NAV2: variants seen among roughly 807,000 people sequenced by gnomAD.
NAV2 encodes helicase, APC down-regulated 1.
In NAV2, 54 loss-of-function variants were observed where a neutral mutation model predicts 223.2. The ratio of observed to expected loss-of-function variants is 0.24; its 90% CI spans 0.19 to 0.30. The LOEUF is 0.30. NAV2 is among the 10% of genes least tolerant of loss of function. NAV2 has a pLI of 1.00. For synonymous variants in NAV2, 1,279 were observed against 1,239.3 expected (o/e 1.03, Z -0.67); for missense variants, 2,806 against 3,147.5 (o/e 0.89, Z 2.60).
chr11:19,632,146 G>A (rs1345901038), intron 1 of NAV2, among the ~76,000 whole-genome samples: 2 of 152,164 alleles, frequency 1.3e-5, no homozygotes, highest in African/African-American at 2.4e-5. Context: ...TGTATTGGTT[G>A]GATTTCCTGC....
intron 6 of NAV2, among the ~76,000 whole-genome samples, chr11:19,913,143 G>A (rs143350575): frequency 8.8e-4 from 134 of 152,278 alleles, no homozygotes; most frequent in African/African-American, 3.2e-3. Context: ...CCTGTTTTGT[G>A]TAATATAACC....
At chr11:19,557,590 C>G (rs991160514) in intron 1 of NAV2, among the ~76,000 whole-genome samples, 3 of 152,228 alleles carry the variant, frequency 2.0e-5, no homozygotes, top group African/African-American at 4.8e-5. Context: ...CAGGGACATT[C>G]TGTCTCCCAG....
At chr11:19,403,436 G>A (rs1275309208) in intron 1 of NAV2, among the ~76,000 whole-genome samples, 1 of 152,196 alleles carries the variant, frequency 6.6e-6, no homozygotes, top group Non-Finnish European at 1.5e-5. Context: ...GAATTTCCCA[G>A]AGAAGGGGGC....
At chr11:19,441,448 GCACACACACACACA>G (rs150858991) in intron 1 of NAV2, among the ~76,000 whole-genome samples, 1 of 145,852 alleles carries the variant, frequency 6.9e-6, no homozygotes, top group East Asian at 2.0e-4. Context: ...ACACACACAC[GCACACACACACACA>G]CACACACACA....
intron 1 of NAV2, among the ~76,000 whole-genome samples, chr11:19,457,803 A>G (rs112446220): frequency 6.6e-5 from 10 of 152,266 alleles, no homozygotes; most frequent in African/African-American, 1.9e-4. Context: ...GAGAACAGAG[A>G]TGCACGTGAC....
At chr11:20,104,200 G>A (rs2061853777) in intron 34 of NAV2, 2 of 179,884 alleles carry the variant, frequency 1.1e-5, no homozygotes, top group Admixed American at 1.1e-4. Context: ...CTACCAGCTT[G>A]TCTTCCCTGC....
At chr11:19,840,891 G>A (rs900743810) in intron 2 of NAV2, among the ~76,000 whole-genome samples, 2 of 152,164 alleles carry the variant, frequency 1.3e-5, no homozygotes, top group African/African-American at 4.8e-5. Context: ...GCTCTGGGGT[G>A]ACTGTAGAAA....
In NAV2 at chr11:20,054,187, C is replaced by T; in HGVS notation, c.4589C>T (p.Ser1530Phe). Residue 1530 changes from serine to phenylalanine, a missense_variant, in exon 18 of 38, where the codon TCT (serine) becomes TTT (phenylalanine). By Grantham distance (155) the Ser-to-Phe change is radical. This residue lies in a region of NAV2 where 742 missense variants were observed against 777.9 expected (regional missense o/e 0.95). Transcript: ENST00000349880. ...ACCGCTGCCAATTCCCCCTTTTCCT[C>T]TGGCTCCAGCGTGACTTCTCCCTCC... Reference protein sequence around the residue: ...QDTAANSPFSSGSSVTSPSGT... With the variant: ...QDTAANSPFSFGSSVTSPSGT... The T allele has an allele frequency of 6.2e-7, 1 of 1,613,564 alleles. No individual in the cohort carries two copies. The highest frequency in any genetic ancestry group is 8.5e-7 in the Non-Finnish European group (1 of 1,179,924).
At chr11:19,857,949 C>A (rs946518405) in intron 3 of NAV2, among the ~76,000 whole-genome samples, 2 of 152,176 alleles carry the variant, frequency 1.3e-5, no homozygotes, top group African/African-American at 4.8e-5. Flanking sequence ...CTCCACCTCC[C>A]GGGTTCATGC....
intron 10 of NAV2, among the ~76,000 whole-genome samples, chr11:19,969,574 T>C (rs1429918022): frequency 1.3e-5 from 2 of 152,168 alleles, no homozygotes; most frequent in East Asian, 3.8e-4. Flanking sequence ...TAACTCTATA[T>C]AAACTATGGG....
upstream of NAV2, among the ~76,000 whole-genome samples, chr11:19,347,267 G>T (rs1306821887): frequency 6.6e-6 from 1 of 152,184 alleles, no homozygotes; most frequent in Non-Finnish European, 1.5e-5. Context: ...TCCTAAATTG[G>T]CATTTAACAG....
At chr11:19,613,973 A>C (rs73422296) in intron 1 of NAV2, among the ~76,000 whole-genome samples, 2,045 of 152,270 alleles carry the variant, frequency 0.013, 45 homozygotes, top group African/African-American at 0.047. Flanking sequence ...GCAATAAATA[A>C]TTTTTTAGCA....
At position 19,350,854 on chromosome 11, in the gene NAV2, T is replaced by A. The variant is rs1590030670; in HGVS notation, c.-99T>A. ...TGATTTCCTTGGCTGGCGGGAACTC[T>A]GTCTGGCTGTTGCATGCATCACTTT... On this transcript the variant is annotated 5_prime_UTR_variant, in exon 1 of 38. Transcript: ENST00000360655. The A allele has an allele frequency of 4.2e-6, 5 of 1,197,252 alleles. No individual in the cohort carries two copies. In the East Asian group the frequency reaches 1.3e-4, roughly 31 times the overall value. 74.2% of individuals were successfully genotyped at this position (1,197,252 alleles called of 1,614,324 possible). A position where few individuals can be genotyped will look rare whatever the true frequency, so the allele number is the denominator to read the frequency against.
intron 1 of NAV2, among the ~76,000 whole-genome samples, chr11:19,815,002 C>G (rs2059021064): frequency 6.6e-6 from 1 of 151,640 alleles, no homozygotes; most frequent in Non-Finnish European, 1.5e-5. Flanking sequence ...TTACTCTATA[C>G]AGCTGACCTT....
At chr11:19,861,217 T>G (rs1261452647) in intron 3 of NAV2, among the ~76,000 whole-genome samples, 1 of 152,182 alleles carries the variant, frequency 6.6e-6, no homozygotes, top group African/African-American at 2.4e-5. Context: ...CCTTCTGTCT[T>G]GGTGTGAATT....
chr11:20,069,437 C>G lies in NAV2; in HGVS notation c.4983+1039C>G, dbSNP rs550309549. Among the ~76,000 whole-genome samples the G allele has an allele frequency of 6.6e-5, 10 of 152,172 alleles. No homozygotes were observed. In the South Asian group the frequency reaches 2.1e-3, roughly 32 times the overall value. On this transcript the variant is annotated intron_variant, in intron 22 of 37. Transcript: ENST00000349880. Reference sequence around the variant, plus strand: ...CATCCGGGCTTCCTCCTGAAGTTAGCAGACACCTCTCAGTGCGTTTTAAGT... The same window carrying G: ...CATCCGGGCTTCCTCCTGAAGTTAGGAGACACCTCTCAGTGCGTTTTAAGT...
intron 2 of NAV2, among the ~76,000 whole-genome samples, chr11:19,833,239 A>T (rs2060048747): frequency 1.3e-5 from 2 of 152,188 alleles, no homozygotes; most frequent in African/African-American, 4.8e-5. Context: ...GAGCAGACAG[A>T]GGAGGCTTAC....
intron 1 of NAV2, among the ~76,000 whole-genome samples, chr11:19,763,898 G>A (rs565170332): frequency 9.9e-5 from 15 of 151,606 alleles, no homozygotes; most frequent in African/African-American, 3.1e-4. Context: ...ACTGCAAAAC[G>A]TATGGCCGTA....
intron 1 of NAV2, among the ~76,000 whole-genome samples, chr11:19,370,375 A>C (rs949190767): frequency 1.3e-5 from 2 of 152,218 alleles, no homozygotes; most frequent in Non-Finnish European, 2.9e-5. Context: ...CTTGTTCAGC[A>C]AGTTTTTCTC....
Sources: allele counts gnomAD v4.1 joint callset (sites outside exome capture counted in the v4.1 genomes callset), GRCh38; gene constraint gnomAD v4.1.1; regional missense constraint gnomAD v4.1.1; transcripts MANE v1.5; gene names NCBI Gene and HGNC (gene_info 2026-07-23, HGNC 2026-07-21).